The following ESRP1 variants were observed in gnomAD, a reference collection of about 807,000 sequenced individuals.
ESRP1 encodes the protein RNA-binding motif protein 35A.
A neutral mutation model predicts 81.7 loss-of-function variants in ESRP1; 33 were observed. That is an observed-to-expected ratio of 0.40 (90% confidence interval 0.31 to 0.54). The LOEUF is 0.54. Ranked by LOEUF, ESRP1 falls within the 20% of genes least tolerant of loss-of-function variation. The probability of loss-of-function intolerance (pLI) is 0.41; values close to 1 mark genes in which losing one functional copy is unlikely to be tolerated. For synonymous variants in ESRP1, 320 were observed against 303.3 expected (o/e 1.06, Z -0.57); for missense variants, 672 against 833.1 (o/e 0.81, Z 2.38).
At chr8:94,695,108 G>A (rs1219808596) in intron 14 of ESRP1, among the ~76,000 whole-genome samples, 2 of 151,944 alleles carry the variant, frequency 1.3e-5, no homozygotes, top group African/African-American at 4.8e-5. Context: ...ATTCACTATG[G>A]GGTTCCATCT....
At chr8:94,669,204 C>G (rs974173083) in intron 10 of ESRP1, among the ~76,000 whole-genome samples, 3 of 152,158 alleles carry the variant, frequency 2.0e-5, no homozygotes, top group African/African-American at 7.2e-5. Context: ...TTGCCAGCTA[C>G]CAATTGAACA....
In ESRP1 at chr8:94,689,369, T is replaced by A. The variant is rs187244881; in HGVS notation, c.1821-3308T>A. Among the ~76,000 whole-genome samples, 3 of 152,258 alleles carry A rather than the reference T, an allele frequency of 2.0e-5. No homozygotes were observed. The East Asian group carries it at 5.8e-4, about 29-fold the overall frequency. ...AGTTTTCAGTGTGCAACTCTTGCAC[T>A]TTTAAATGTTTCTCTAAGTCTATTA... On this transcript the variant is annotated intron_variant, in intron 13 of 15. Transcript: ENST00000433389.
At position 94,682,606 on chromosome 8, in the gene ESRP1, A is replaced by G. The variant is rs549271806; in HGVS notation, c.1820+4235A>G. Among the ~76,000 whole-genome samples, 11 of 151,950 alleles carry G rather than the reference A, an allele frequency of 7.2e-5. No homozygotes were observed. The South Asian group carries it at 1.3e-3, about 17-fold the overall frequency. On this transcript the variant is annotated intron_variant, in intron 13 of 15. Coordinates refer to ENST00000433389, the MANE Select transcript of ESRP1 (RefSeq NM_017697.4). ...GGTCTCAAAGTACTGAGCTCAAGCA[A>G]TCTTCCCACGTCAGCCTCCCAATGT...
At chr8:94,662,450 A>G (rs1818794379) in intron 5 of ESRP1, 51 bp from the exon 6 acceptor site, 3 of 1,564,966 alleles carry the variant, frequency 1.9e-6, no homozygotes, top group Non-Finnish European at 2.6e-6. Flanking sequence ...TCCTCCTACA[A>G]CTTTGTCTCC....
At chr8:94,656,200 C>G (rs1818408183) in intron 4 of ESRP1, 1 of 141,594 alleles carries the variant, frequency 7.1e-6, no homozygotes, top group African/African-American at 2.7e-5. Flanking sequence ...TAGCAGGACC[C>G]TAGTCTCAAA....
At chr8:94,688,918 G>A (rs4008177) in intron 13 of ESRP1, among the ~76,000 whole-genome samples, 51,956 of 151,932 alleles carry the variant, frequency 0.34, 9,540 homozygotes, top group East Asian at 0.56. Flanking sequence ...CTATTGCATT[G>A]CACCTGTAGA....
At chr8:94,704,593 G>A (rs1809981566) in intron 15 of ESRP1, among the ~76,000 whole-genome samples, 1 of 151,926 alleles carries the variant, frequency 6.6e-6, no homozygotes, top group African/African-American at 2.4e-5. Context: ...GTGAGAATCT[G>A]TCTTTACAAA....
chr8:94,650,789 T>A (rs1415458514), intron 4 of ESRP1, among the ~76,000 whole-genome samples: 1 of 140,448 alleles, frequency 7.1e-6, no homozygotes, highest in East Asian at 2.0e-4. Context: ...CTTGGCTAAC[T>A]GCAAGCACCG....
At chr8:94,691,319 C>A (rs1268962593) in intron 13 of ESRP1, among the ~76,000 whole-genome samples, 2 of 152,114 alleles carry the variant, frequency 1.3e-5, no homozygotes, top group Admixed American at 6.5e-5. Flanking sequence ...TTCTTACTTG[C>A]AAATTAGTTA....
chr8:94,689,271 A>T (rs77080802), intron 13 of ESRP1, among the ~76,000 whole-genome samples: 1 of 140,696 alleles, frequency 7.1e-6, no homozygotes, highest in Non-Finnish European at 1.6e-5. Context: ...AAAAAAAAAA[A>T]AAATCATATT....
intron 11 of ESRP1, 78 bp from the exon 12 acceptor site, chr8:94,674,230 T>C (rs1209019056): frequency 6.8e-7 from 1 of 1,479,940 alleles, no homozygotes; most frequent in African/African-American, 1.4e-5. Context: ...ATTGTCACTT[T>C]GCATGTTTTG....
At chr8:94,651,090 A>G (rs1818102271) in intron 4 of ESRP1, among the ~76,000 whole-genome samples, 1 of 151,990 alleles carries the variant, frequency 6.6e-6, no homozygotes. Context: ...ATCTCACTGC[A>G]ATTTTTGTGT....
chr8:94,641,746 G>T (rs565209467), intron 1 of ESRP1: 1 of 736,826 alleles, frequency 1.4e-6, no homozygotes, highest in South Asian at 2.4e-5. Context: ...GAGGCCCCGG[G>T]GTCCACTTCC....
intron 15 of ESRP1, among the ~76,000 whole-genome samples, chr8:94,697,954 G>A (rs1046345657): frequency 2.0e-5 from 3 of 151,236 alleles, no homozygotes; most frequent in African/African-American, 7.3e-5. Context: ...CTTTTTTTTT[G>A]TATTTTTTAG....
intron 10 of ESRP1, among the ~76,000 whole-genome samples, chr8:94,668,788 C>CGTGTGTGTGTGTGTGTGTGTGTGTGTGT (rs771754492): frequency 1.3e-5 from 1 of 76,754 alleles, no homozygotes; most frequent in African/African-American, 5.5e-5. Flanking sequence ...TAGCTTTCAG[C>CGTGTGTGTGTGTGTGTGTGTGTGTGTGT]ATGTGTGTGT....
At chr8:94,673,643 A>T (rs1046112827) in intron 11 of ESRP1, among the ~76,000 whole-genome samples, 1 of 152,212 alleles carries the variant, frequency 6.6e-6, no homozygotes, top group African/African-American at 2.4e-5. Flanking sequence ...TTACTAATAG[A>T]AAATGTCTGT....
chr8:94,669,738 T>C lies in ESRP1; in HGVS notation c.1233+1488T>C, dbSNP rs989062602. ...AAAAAAAATTAGGCAGTCATGGCAGTGTGCGCCTTTAGTCCCAGCTACTCG... is the reference window on the plus strand; with the variant it reads ...AAAAAAAATTAGGCAGTCATGGCAGCGTGCGCCTTTAGTCCCAGCTACTCG... On this transcript the variant is annotated intron_variant, in intron 10 of 15. Coordinates refer to ENST00000433389, the MANE Select transcript of ESRP1 (RefSeq NM_017697.4). Among the ~76,000 whole-genome samples the C allele has an allele frequency of 2.6e-5, 4 of 151,864 alleles. No individual in the cohort carries two copies. In the East Asian group the frequency reaches 7.7e-4, roughly 29 times the overall value.
chr8:94,694,075 A>G (rs1169410871), intron 14 of ESRP1, among the ~76,000 whole-genome samples: 2 of 152,234 alleles, frequency 1.3e-5, no homozygotes, highest in African/African-American at 4.8e-5. Context: ...GGAAGATTTT[A>G]CTAAAAGCTT....
intron 4 of ESRP1, among the ~76,000 whole-genome samples, chr8:94,647,619 C>G (rs1013832121): frequency 3.3e-5 from 5 of 152,100 alleles, no homozygotes; most frequent in African/African-American, 7.2e-5. Context: ...CACCCTTTGA[C>G]CATCATTTAA....
Sources: allele counts gnomAD v4.1 joint callset (sites outside exome capture counted in the v4.1 genomes callset), GRCh38; gene constraint gnomAD v4.1.1; transcripts MANE v1.5; gene names NCBI Gene and HGNC (gene_info 2026-07-23, HGNC 2026-07-21).